TBRG1: variants seen among roughly 807,000 people sequenced by gnomAD.
TBRG1 encodes the protein transforming growth factor beta regulator 1, also known as nuclear interactor of ARF and MDM2.
In TBRG1, 31 loss-of-function variants were observed where a neutral mutation model predicts 44.0. The observed-to-expected ratio is 0.70, with a 90% CI of 0.53 to 0.95. The LOEUF (loss-of-function observed/expected upper bound fraction) is 0.95. TBRG1 is among the 40% of genes least tolerant of loss of function. TBRG1 has a pLI of 0.00. For synonymous variants in TBRG1, 171 were observed against 188.1 expected (o/e 0.91, Z 0.74); for missense variants, 487 against 496.1 (o/e 0.98, Z 0.18).
At chr11:124,631,979 C>G in intron 8 of TBRG1, 114 bp from the exon 9 acceptor site, 2 of 874,892 alleles carry the variant, frequency 2.3e-6, no homozygotes, top group Non-Finnish European at 3.6e-6. Flanking sequence ...CAAAATTGAG[C>G]TGACAAATGC....
chr11:124,634,129 G>A lies in TBRG1; in HGVS notation c.*1891G>A, dbSNP rs1942668874. 1 of 152,142 alleles carries A rather than the reference G, an allele frequency of 6.6e-6. No individual in the cohort carries two copies. Among genetic ancestry groups the A allele is most frequent in the South Asian group, 2.1e-4 (1 of 4,816 alleles). 9.4% of individuals were successfully genotyped at this position (152,142 alleles called of 1,614,324 possible). On this transcript the variant is annotated 3_prime_UTR_variant, in exon 9 of 9. Transcript: ENST00000441174. ...GGAGGCTGAGGCGGGTGGATCAAGA[G>A]GTCAGGAGATCGAGACCATCCTGGC...
At position 124,633,882 on chromosome 11, in the gene TBRG1, C is replaced by G. The variant is rs1321923925; in HGVS notation, c.*1644C>G. ...CTGAGTAATACCCGTATTAAAAGAG[C>G]CTCATTTTAGAAAGACATTTAAAAT... is the stretch of plus-strand genomic sequence containing the variant. On this transcript the variant is annotated 3_prime_UTR_variant, in exon 9 of 9. Transcript: ENST00000441174. 1.3e-5 allele frequency: 2 copies of G among 152,104 alleles called. No individual in the cohort carries two copies. The highest frequency in any genetic ancestry group is 1.3e-4 in the Admixed American group (2 of 15,272). 9.4% of individuals were successfully genotyped at this position (152,104 alleles called of 1,614,324 possible). A position where few individuals can be genotyped will look rare whatever the true frequency, so the allele number is the denominator to read the frequency against.
At position 124,631,426 on chromosome 11, in the gene TBRG1, A is replaced by T; in HGVS notation, c.1090+9A>T. 2 of 1,613,522 alleles carry T rather than the reference A, an allele frequency of 1.2e-6. No homozygotes were observed. Among genetic ancestry groups the T allele is most frequent in the Non-Finnish European group, 1.7e-6 (2 of 1,179,616 alleles). Reference sequence around the variant, plus strand: ...TGATCCCCTTCTGCCAGGTATCTTTAACTTTACCTTTCTGGTTTGAAAATT... The same window carrying T: ...TGATCCCCTTCTGCCAGGTATCTTTTACTTTACCTTTCTGGTTTGAAAATT... On this transcript the variant is annotated intron_variant, in intron 8 of 8. Transcript: ENST00000441174.
chr11:124,628,068 TATATATATATATATATATATA>T (rs1942512906), intron 5 of TBRG1, among the ~76,000 whole-genome samples: 14 of 30,828 alleles, frequency 4.5e-4, no homozygotes, highest in African/African-American at 2.0e-3. Context: ...AGCTGTTTTA[TATATATATATATATATATATA>T]TATATATATA....
chr11:124,631,720 A>G (rs1266157658), intron 8 of TBRG1: 1 of 461,866 alleles, frequency 2.2e-6, no homozygotes, highest in African/African-American at 2.0e-5. Context: ...TTTACTGTGC[A>G]GGGAATAACA....
Position 124,624,951 on chromosome 11 carries a change from T to A in TBRG1, c.171T>A (p.Asp57Glu). ...TAAAGGAAAATGCTGCTATTTGTGA[T>A]GAAATTGCTCGTCTTGAGGAAAAAT... ...ATVFENAAIC[D>E]EIARLEEKFL... The change falls in exon 2 of 9, where the codon GAT becomes GAA. Residue 57 changes from aspartate (D) to glutamate (E), a missense_variant. Asp to Glu is a conservative substitution (Grantham distance 45). Transcript: ENST00000441174. 1 of 1,547,572 alleles carries A rather than the reference T, an allele frequency of 6.5e-7. No homozygotes were observed. Among genetic ancestry groups the A allele is most frequent in the African/African-American group, 1.4e-5 (1 of 73,070 alleles).
rs780566098 is a variant in TBRG1, at chr11:124,622,929, G to T, written c.-155G>T. On this transcript the variant is annotated 5_prime_UTR_variant, in exon 1 of 9. Transcript: ENST00000441174. The stretch of plus-strand genomic sequence containing the variant: ...GCCCGTTCGGTTGCGGGTGTCTCTG[G>T]CCCTGCGGTCAGCCCTGGGAACGTC... The T allele has an allele frequency of 1.3e-6, 1 of 797,462 alleles. No individual in the cohort carries two copies. The highest frequency in any genetic ancestry group is 1.9e-6 in the Non-Finnish European group (1 of 524,290). The allele number at this position is 797,462 out of a possible 1,614,324, so 49.4% of individuals were successfully genotyped here.
chr11:124,635,109 A>T lies in TBRG1; in HGVS notation c.*2871A>T, dbSNP rs1394487815. On this transcript the variant is annotated 3_prime_UTR_variant, in exon 9 of 9. Coordinates refer to ENST00000441174, the MANE Select transcript of TBRG1 (RefSeq NM_032811.3). Reference sequence around the variant, plus strand: ...GTTCCTGGAGGTGAAAGGAATCTGGACTTAGAGTTCTTGGCTACCTCTGGC... The same window carrying T: ...GTTCCTGGAGGTGAAAGGAATCTGGTCTTAGAGTTCTTGGCTACCTCTGGC... 1.3e-5 allele frequency: 2 copies of T among 152,174 alleles called. No homozygotes were observed. Among genetic ancestry groups the T allele is most frequent in the East Asian group, 1.9e-4 (1 of 5,194 alleles). 9.4% of individuals were successfully genotyped at this position (152,174 alleles called of 1,614,324 possible).
At position 124,625,666 on chromosome 11, in the gene TBRG1, C is replaced by A. The variant is rs1443063570; in HGVS notation, c.222-5C>A. ...TTTCTCTGCTCCTTTCCTTCCTGAT[C>A]TCAGGTACTTGCTAAAGAAGCTCCT... On this transcript the variant is annotated splice_region_variant and splice_polypyrimidine_tract_variant and intron_variant, in intron 2 of 8. Coordinates refer to ENST00000441174, the MANE Select transcript of TBRG1 (RefSeq NM_032811.3). 43 of 1,550,036 alleles carry A rather than the reference C, an allele frequency of 2.8e-5. No individual in the cohort carries two copies. The highest frequency in any genetic ancestry group is 3.7e-5 in the Non-Finnish European group (42 of 1,146,486).
At position 124,623,215 on chromosome 11, in the gene TBRG1, G is replaced by A; in HGVS notation, c.132G>A (p.Ala44=). 1.3e-6 allele frequency: 2 copies of A among 1,551,544 alleles called. No homozygotes were observed. Among genetic ancestry groups the A allele is most frequent in the Non-Finnish European group, 1.7e-6 (2 of 1,147,010 alleles). The change falls in exon 1 of 9, where the codon GCG becomes GCA. Residue 44 remains alanine (A), a synonymous_variant. Transcript: ENST00000441174. ...TGAAGTACCTGCGGCTGCGCAAAGC[G>A]GCCAAGGCCACGGTGTTTGTGAGTC... ...YRLKYLRLRK[A]AKATVFENAA... is the part of the protein sequence containing the mutation.
At chr11:124,625,369 C>A (rs1213967551) in intron 2 of TBRG1, among the ~76,000 whole-genome samples, 2 of 152,238 alleles carry the variant, frequency 1.3e-5, no homozygotes, top group East Asian at 3.8e-4. Context: ...CTATTCTGTG[C>A]AAAGCACAAT....
chr11:124,632,125 G>A lies in TBRG1; in HGVS notation c.1123G>A (p.Ala375Thr), dbSNP rs1474667771. 6.2e-7 allele frequency: 1 copy of A among 1,613,564 alleles called. No homozygotes were observed. Among genetic ancestry groups the A allele is most frequent in the Non-Finnish European group, 8.5e-7 (1 of 1,179,672 alleles). Residue 375 changes from alanine (A) to threonine (T), a missense_variant, in exon 9 of 9, where the codon GCC (alanine) becomes ACC (threonine). Physicochemically the swap from Ala to Thr is moderately conservative, Grantham distance 58. Transcript: ENST00000441174. ...GGACCTCCCAGAGCTTCAGCCTGCAGCCTTTGTGTCTTCTTACCAGCCCAT... is the reference window on the plus strand; with the variant it reads ...GGACCTCCCAGAGCTTCAGCCTGCAACCTTTGTGTCTTCTTACCAGCCCAT... ...SLDLPELQPA[A>T]FVSSYQPMYL... is the part of the protein sequence containing the mutation.
rs1278485656 is a variant in TBRG1 at position 124,630,417 on chromosome 11, G to A, written c.768G>A (p.Gln256=). Residue 256 remains glutamine (Q), a synonymous_variant, in exon 6 of 9, where the codon CAG becomes CAA. Coordinates refer to ENST00000441174, the MANE Select transcript of TBRG1 (RefSeq NM_032811.3). ...QFEIVPEDDP[Q]NAIVSSSADA... ...AAATTGTTCCTGAAGATGACCCCCA[G>A]AATGCCATTGTCAGCTCTTCTGCAG... 1 of 1,613,810 alleles carries A rather than the reference G, an allele frequency of 6.2e-7. No individual in the cohort carries two copies. The highest frequency in any genetic ancestry group is 1.1e-5 in the South Asian group (1 of 91,074).
At chr11:124,628,116 T>TATAC (rs1565400621) in intron 5 of TBRG1, among the ~76,000 whole-genome samples, 9 of 41,940 alleles carry the variant, frequency 2.1e-4, no homozygotes, top group Admixed American at 3.3e-4. Context: ...TATATATATA[T>TATAC]ACACACACAC....
chr11:124,627,681 G>T (rs1341072955), intron 5 of TBRG1, among the ~76,000 whole-genome samples: 1 of 152,186 alleles, frequency 6.6e-6, no homozygotes, highest in African/African-American at 2.4e-5. Context: ...TTGAGCAGAA[G>T]CTGGGAGAAC....
chr11:124,625,596 C>T (rs1942448076), intron 2 of TBRG1, 75 bp from the exon 3 acceptor site: 1 of 1,355,864 alleles, frequency 7.4e-7, no homozygotes, highest in South Asian at 1.5e-5. Flanking sequence ...CTGGCTTTTC[C>T]CAGTACTTGA....
chr11:124,632,069 A>G, intron 8 of TBRG1, 24 bp from the exon 9 acceptor site: 1 of 1,612,696 alleles, frequency 6.2e-7, no homozygotes, highest in East Asian at 2.2e-5. Flanking sequence ...GCAGCAGTGG[A>G]ACTTAAGGAA....
Position 124,623,006 on chromosome 11 carries a change from A to T in TBRG1, c.-78A>T. 7.0e-7 allele frequency: 1 copy of T among 1,424,448 alleles called. No homozygotes were observed. Among genetic ancestry groups the T allele is most frequent in the Non-Finnish European group, 9.3e-7 (1 of 1,077,786 alleles). The allele number at this position is 1,424,448 out of a possible 1,614,324, so 88.2% of individuals were successfully genotyped here. On this transcript the variant is annotated 5_prime_UTR_variant, in exon 1 of 9. The change creates a new upstream start codon in the 5' untranslated region. Transcript: ENST00000441174. ...GATTCCGCTAGCCCGGAACAGACAAAGCCAGCGCTCCCGCCCGCTCCCCGA... is the reference window on the plus strand; with the variant it reads ...GATTCCGCTAGCCCGGAACAGACAATGCCAGCGCTCCCGCCCGCTCCCCGA...
chr11:124,632,131 G>T lies in TBRG1; in HGVS notation c.1129G>T (p.Val377Leu). ...DLPELQPAAF[V>L]SSYQPMYLTH... Reference sequence around the variant, plus strand: ...CCCAGAGCTTCAGCCTGCAGCCTTTGTGTCTTCTTACCAGCCCATGTACCT... The same window carrying T: ...CCCAGAGCTTCAGCCTGCAGCCTTTTTGTCTTCTTACCAGCCCATGTACCT... Residue 377 changes from valine to leucine, a missense_variant, in exon 9 of 9, where the codon GTG becomes TTG. Val to Leu is a conservative substitution (Grantham distance 32, BLOSUM62 1). Coordinates refer to ENST00000441174, the MANE Select transcript of TBRG1 (RefSeq NM_032811.3). 6.2e-7 allele frequency: 1 copy of T among 1,613,682 alleles called. No individual in the cohort carries two copies. The highest frequency in any genetic ancestry group is 1.1e-5 in the South Asian group (1 of 91,072).
Sources: allele counts gnomAD v4.1 joint callset (sites outside exome capture counted in the v4.1 genomes callset), GRCh38; gene constraint gnomAD v4.1.1; transcripts MANE v1.5; gene names NCBI Gene and HGNC (gene_info 2026-07-23, HGNC 2026-07-21).